The following ZNF804B variants were observed in gnomAD, a reference collection of about 807,000 sequenced individuals.
ZNF804B encodes zinc finger 804B.
Under a neutral mutation model 101.4 loss-of-function variants are expected in ZNF804B, and 80 were observed. That is an observed-to-expected ratio of 0.79 (90% CI 0.66 to 0.95). ZNF804B has a LOEUF of 0.95. ZNF804B is among the 40% of genes least tolerant of loss of function. The probability of loss-of-function intolerance (pLI) is 0.00; values close to 1 mark genes in which losing one functional copy is unlikely to be tolerated. For synonymous variants in ZNF804B, 622 were observed against 558.8 expected, an observed-to-expected ratio of 1.11 and a Z score of -1.59; for missense variants, 1,673 against 1,561.9, an observed-to-expected ratio of 1.07 and a Z score of -1.20.
At chr7:89,166,827 A>G (rs915071285) in intron 1 of ZNF804B, among the ~76,000 whole-genome samples, 1 of 152,178 alleles carries the variant, frequency 6.6e-6, no homozygotes, top group African/African-American at 2.4e-5. Flanking sequence ...TGAGCTCACC[A>G]CAATAGTAGT....
chr7:89,196,213 G>A (rs191966829), intron 1 of ZNF804B, among the ~76,000 whole-genome samples: 33 of 151,660 alleles, frequency 2.2e-4, no homozygotes, highest in Admixed American at 1.8e-3. Context: ...AGACCCATAG[G>A]CCAATGAAAT....
chr7:88,894,650 C>G (rs1212421882), intron 1 of ZNF804B, among the ~76,000 whole-genome samples: 1 of 151,934 alleles, frequency 6.6e-6, no homozygotes, highest in Non-Finnish European at 1.5e-5. Context: ...TTGGTAAATC[C>G]ATATGATAAA....
At chr7:88,834,907 T>A (rs1791187579) in intron 1 of ZNF804B, among the ~76,000 whole-genome samples, 1 of 151,772 alleles carries the variant, frequency 6.6e-6, no homozygotes. Context: ...GAACAACATA[T>A]GACAGAATTT....
intron 1 of ZNF804B, among the ~76,000 whole-genome samples, chr7:89,023,164 G>A (rs1283291592): frequency 2.6e-5 from 4 of 152,060 alleles, no homozygotes; most frequent in South Asian, 2.1e-4. Context: ...GAATAGATGG[G>A]TGGTGGCCAC....
At chr7:88,942,102 C>A (rs569091665) in intron 1 of ZNF804B, among the ~76,000 whole-genome samples, 1 of 151,948 alleles carries the variant, frequency 6.6e-6, no homozygotes, top group South Asian at 2.1e-4. Flanking sequence ...AATCTACAAA[C>A]TCCCATGAAA....
intron 3 of ZNF804B, among the ~76,000 whole-genome samples, chr7:89,332,510 C>CT (rs1791001877): frequency 6.6e-6 from 1 of 151,736 alleles, no homozygotes; most frequent in Non-Finnish European, 1.5e-5. Context: ...TTTGTATTGT[C>CT]TTCTTTCCAG....
intron 1 of ZNF804B, among the ~76,000 whole-genome samples, chr7:88,775,452 C>T (rs972147097): frequency 6.6e-6 from 1 of 152,146 alleles, no homozygotes; most frequent in Non-Finnish European, 1.5e-5. Context: ...GCCTTTAATC[C>T]AACTACAGAA....
At chr7:88,803,157 GAA>G (rs147363581) in intron 1 of ZNF804B, among the ~76,000 whole-genome samples, 1 of 149,432 alleles carries the variant, frequency 6.7e-6, no homozygotes, top group Non-Finnish European at 1.5e-5. Context: ...ATTATGTTCA[GAA>G]AAAAAAACGT....
At chr7:89,039,580 G>T (rs1410613309) in intron 1 of ZNF804B, among the ~76,000 whole-genome samples, 1 of 150,560 alleles carries the variant, frequency 6.6e-6, no homozygotes, top group African/African-American at 2.4e-5. Context: ...AGTTTTTTTT[G>T]GTGGAAATTT....
At chr7:89,295,574 A>G (rs1790369187) in intron 2 of ZNF804B, among the ~76,000 whole-genome samples, 1 of 152,056 alleles carries the variant, frequency 6.6e-6, no homozygotes, top group African/African-American at 2.4e-5. Flanking sequence ...TTTGTTTTTC[A>G]CAGTTATCAA....
chr7:89,060,669 A>G (rs1789366084), intron 1 of ZNF804B, among the ~76,000 whole-genome samples: 1 of 152,152 alleles, frequency 6.6e-6, no homozygotes, highest in African/African-American at 2.4e-5. Context: ...TTGATGTGCT[A>G]TGTATTTCAT....
At chr7:88,773,256 C>G (rs1253162931) in intron 1 of ZNF804B, among the ~76,000 whole-genome samples, 1 of 152,110 alleles carries the variant, frequency 6.6e-6, no homozygotes, top group Non-Finnish European at 1.5e-5. Context: ...GCTAAGTGCT[C>G]AAGTAGGAGG....
chr7:89,113,903 C>T (rs1326234523), intron 1 of ZNF804B, among the ~76,000 whole-genome samples: 1 of 151,384 alleles, frequency 6.6e-6, no homozygotes, highest in East Asian at 1.9e-4. Flanking sequence ...CAGCCGAGAT[C>T]GTGCCACTGC....
chr7:88,815,583 G>A (rs1790862840), intron 1 of ZNF804B, among the ~76,000 whole-genome samples: 2 of 151,898 alleles, frequency 1.3e-5, no homozygotes, highest in Admixed American at 1.3e-4. Flanking sequence ...ACTTGGTCAT[G>A]CTCTGATATC....
chr7:89,291,291 A>G (rs1477460776), intron 2 of ZNF804B, among the ~76,000 whole-genome samples: 3 of 151,888 alleles, frequency 2.0e-5, no homozygotes, highest in Non-Finnish European at 4.4e-5. Flanking sequence ...ACTAAATAAG[A>G]CAGAAACCAA....
intron 1 of ZNF804B, among the ~76,000 whole-genome samples, chr7:88,813,423 T>TAA (rs11431380): frequency 0.019 from 2,594 of 135,650 alleles, 63 homozygotes; most frequent in African/African-American, 0.065. Flanking sequence ...AGACTCCATC[T>TAA]AAAAAAAAAA....
intron 1 of ZNF804B, among the ~76,000 whole-genome samples, chr7:88,867,642 A>G (rs949617656): frequency 9.9e-5 from 15 of 152,170 alleles, no homozygotes; most frequent in Non-Finnish European, 2.1e-4. Flanking sequence ...GTATCCCCTA[A>G]TCCAGTCAAG....
chr7:88,893,617 AC>A (rs1792245070), intron 1 of ZNF804B, among the ~76,000 whole-genome samples: 1 of 152,178 alleles, frequency 6.6e-6, no homozygotes, highest in East Asian at 1.9e-4. Flanking sequence ...AATAGATTTG[AC>A]TTAAAAGTGT....
intron 1 of ZNF804B, among the ~76,000 whole-genome samples, chr7:88,976,233 G>GT (rs1793613972): frequency 1.3e-5 from 2 of 151,482 alleles, no homozygotes; most frequent in South Asian, 4.1e-4. Flanking sequence ...TGGATATTCT[G>GT]TTTTTTATGG....
Sources: allele counts gnomAD v4.1 joint callset (sites outside exome capture counted in the v4.1 genomes callset), GRCh38; gene constraint gnomAD v4.1.1; transcripts MANE v1.5; gene names NCBI Gene and HGNC (gene_info 2026-07-23, HGNC 2026-07-21).